MACROD2: variants seen among roughly 807,000 people sequenced by gnomAD.
The protein encoded by MACROD2 is ADP-ribose glycohydrolase MACROD2.
Under a neutral mutation model 70.4 loss-of-function variants are expected in MACROD2, and 36 were observed. That is an observed-to-expected ratio of 0.51 (90% CI 0.39 to 0.68). MACROD2 has a LOEUF of 0.68. MACROD2 is among the 30% of genes least tolerant of loss of function. The pLI, the probability that MACROD2 is intolerant of heterozygous loss-of-function variation, is 0.00. For missense variants in MACROD2, 496 were observed against 538.4 expected, an observed-to-expected ratio of 0.92 and a Z score of 0.78; for synonymous variants, 172 against 178.8, an observed-to-expected ratio of 0.96 and a Z score of 0.30.
chr20:15,570,380 T>G (rs1018391446), intron 8 of MACROD2, among the ~76,000 whole-genome samples: 2 of 152,334 alleles, frequency 1.3e-5, no homozygotes, highest in African/African-American at 4.8e-5. Flanking sequence ...TTCTCTAATA[T>G]GTACACTGTC....
At chr20:14,002,607 T>C (rs1043012290) in intron 2 of MACROD2, among the ~76,000 whole-genome samples, 26 of 151,984 alleles carry the variant, frequency 1.7e-4, no homozygotes, top group Non-Finnish European at 2.6e-4. Context: ...TGTTCTGAAA[T>C]ATACCACATT....
chr20:14,730,871 A>G (rs992875145), intron 5 of MACROD2, among the ~76,000 whole-genome samples: 1 of 152,080 alleles, frequency 6.6e-6, no homozygotes, highest in Admixed American at 6.6e-5. Context: ...CTATTATTCC[A>G]GAGGTGAATT....
At chr20:15,430,905 G>T (rs1427580216) in intron 6 of MACROD2, among the ~76,000 whole-genome samples, 1 of 151,894 alleles carries the variant, frequency 6.6e-6, no homozygotes, top group East Asian at 1.9e-4. Flanking sequence ...CACAATATGG[G>T]TCATGAATGT....
intron 3 of MACROD2, among the ~76,000 whole-genome samples, chr20:14,170,604 A>C (rs1341946691): frequency 6.6e-6 from 1 of 152,134 alleles, no homozygotes; most frequent in African/African-American, 2.4e-5. Context: ...TGAGATGATC[A>C]TGGGATTTTT....
intron 5 of MACROD2, among the ~76,000 whole-genome samples, chr20:15,043,340 GGCTGTGCCTTTGCATAGGGCATT>G (rs1408719573): frequency 6.6e-6 from 1 of 152,226 alleles, no homozygotes; most frequent in Non-Finnish European, 1.5e-5. Context: ...AGCTGGCTGG[GGCTGTGCCTTTGCATAGGGCATT>G]GCTGTGCCTT....
At chr20:15,655,837 A>G (rs1348821399) in intron 8 of MACROD2, among the ~76,000 whole-genome samples, 6 of 152,222 alleles carry the variant, frequency 3.9e-5, no homozygotes, top group Non-Finnish European at 8.8e-5. Flanking sequence ...AATATGGTGT[A>G]TATCTTATGT....
chr20:15,603,573 A>G (rs1476424154), intron 8 of MACROD2, among the ~76,000 whole-genome samples: 1 of 151,708 alleles, frequency 6.6e-6, no homozygotes, highest in Non-Finnish European at 1.5e-5. Flanking sequence ...TGCAATCTGG[A>G]TGGAGGAAAG....
At chr20:15,948,217 A>G (rs1363380554) in intron 12 of MACROD2, among the ~76,000 whole-genome samples, 2 of 152,026 alleles carry the variant, frequency 1.3e-5, no homozygotes, top group Non-Finnish European at 2.9e-5. Context: ...AGAGCTTACT[A>G]AAATGCTAAT....
At chr20:15,669,790 C>T (rs2049953787) in intron 8 of MACROD2, among the ~76,000 whole-genome samples, 1 of 152,230 alleles carries the variant, frequency 6.6e-6, no homozygotes, top group South Asian at 2.1e-4. Context: ...AGAAAATTGT[C>T]AAGAGGTAGA....
intron 3 of MACROD2, among the ~76,000 whole-genome samples, chr20:14,358,407 T>G (rs2083192454): frequency 6.6e-6 from 1 of 152,200 alleles, no homozygotes; most frequent in South Asian, 2.1e-4. Flanking sequence ...ACTCATGAAA[T>G]TCTCTTAACA....
Position 14,515,465 on chromosome 20 carries a change from G to GCACACA in MACROD2, c.301+21985_301+21990dup, listed in dbSNP as rs11467236. On this transcript the variant is annotated intron_variant, in intron 4 of 17. Transcript: ENST00000684519. The stretch of plus-strand genomic sequence containing the variant: ...AAGAATATGTGAGATACACACACAC[G>GCACACA]CACACACACACACACACACACACAC... Among the ~76,000 whole-genome samples, 29 of 127,168 alleles carry GCACACA rather than the reference G, an allele frequency of 2.3e-4. No individual in the cohort carries two copies. In the East Asian group the frequency reaches 4.1e-3, roughly 18 times the overall value. 83.4% of individuals were successfully genotyped at this position (127,168 alleles called of 152,430 possible).
chr20:14,175,051 C>T (rs2081252902), intron 3 of MACROD2, among the ~76,000 whole-genome samples: 1 of 152,168 alleles, frequency 6.6e-6, no homozygotes, highest in East Asian at 1.9e-4. Context: ...TTGGGGCCTG[C>T]AACAGCAATC....
At chr20:14,259,029 G>T (rs2082080635) in intron 3 of MACROD2, among the ~76,000 whole-genome samples, 1 of 152,088 alleles carries the variant, frequency 6.6e-6, no homozygotes, top group African/African-American at 2.4e-5. Context: ...TGCAACCTCT[G>T]CCTCCCGGGT....
chr20:14,929,553 T>G (rs991721465), intron 5 of MACROD2: 5 of 152,124 alleles, frequency 3.3e-5, no homozygotes, highest in Non-Finnish European at 1.5e-5. Context: ...TTGTGGGGGT[T>G]CCATTACATA....
intron 5 of MACROD2, among the ~76,000 whole-genome samples, chr20:15,152,390 G>A (rs2076276555): frequency 6.8e-6 from 1 of 147,696 alleles, no homozygotes; most frequent in South Asian, 2.2e-4. Context: ...TTGCCCTCCA[G>A]AAAAGCAGAG....
chr20:14,356,775 G>A (rs998951619), intron 3 of MACROD2, among the ~76,000 whole-genome samples: 2 of 152,136 alleles, frequency 1.3e-5, no homozygotes, highest in African/African-American at 2.4e-5. Flanking sequence ...AAAGTGCTGG[G>A]ATTACAGGCG....
intron 7 of MACROD2, among the ~76,000 whole-genome samples, chr20:15,474,833 T>C (rs939866243): frequency 2.6e-5 from 4 of 152,010 alleles, no homozygotes; most frequent in African/African-American, 9.7e-5. Context: ...CCCTATCCAC[T>C]CCTTGACTTA....
At chr20:15,990,457 T>C (rs1231424333) in intron 15 of MACROD2, among the ~76,000 whole-genome samples, 2 of 152,186 alleles carry the variant, frequency 1.3e-5, no homozygotes, top group African/African-American at 4.8e-5. Context: ...TGATATATAT[T>C]GGATATTTTT....
At chr20:14,814,826 A>G (rs985637931) in intron 5 of MACROD2, among the ~76,000 whole-genome samples, 1 of 151,934 alleles carries the variant, frequency 6.6e-6, no homozygotes, top group Non-Finnish European at 1.5e-5. Flanking sequence ...ATAAAAGTTA[A>G]AAAAAAGAGT....
Sources: gnomAD v4.1 joint callset for allele counts (sites outside exome capture counted in the v4.1 genomes callset) on GRCh38, gnomAD v4.1.1 for gene constraint, MANE v1.5 for transcripts, NCBI Gene and HGNC (gene_info 2026-07-23, HGNC 2026-07-21) for gene names.